Variants in NUP98 observed in about 807,000 individuals in gnomAD.
NUP98 encodes the protein nucleoporin 98 and 96 precursor, also known as nuclear pore complex protein Nup98-Nup96.
A neutral mutation model predicts 191.9 loss-of-function variants in NUP98; 26 were observed. The observed-to-expected ratio is 0.14, with a 90% CI of 0.10 to 0.19. The LOEUF (loss-of-function observed/expected upper bound fraction) is 0.19. NUP98 is among the 10% of genes least tolerant of loss of function. The probability of loss-of-function intolerance (pLI) is 1.00; values close to 1 mark genes in which losing one functional copy is unlikely to be tolerated. For missense variants in NUP98, 1,941 were observed against 2,178.8 expected (o/e 0.89, Z 2.17); for synonymous variants, 808 against 778.4 (o/e 1.04, Z -0.63).
chr11:3,677,221 G>A (rs980935872), intron 31 of NUP98, among the ~76,000 whole-genome samples: 61 of 152,266 alleles, frequency 4.0e-4, no homozygotes, highest in African/African-American at 1.1e-3. Flanking sequence ...AGGACCAAGA[G>A]AGGCTTCTTT....
At chr11:3,679,788 G>C in intron 30 of NUP98, 80 bp from the exon 31 acceptor site, 2 of 1,371,596 alleles carry the variant, frequency 1.5e-6, no homozygotes, top group South Asian at 2.7e-5. Flanking sequence ...CAGGAAGACA[G>C]AAAGGAAGGA....
At chr11:3,718,937 T>A (rs1022730316) in intron 18 of NUP98, among the ~76,000 whole-genome samples, 5 of 151,842 alleles carry the variant, frequency 3.3e-5, no homozygotes, top group Non-Finnish European at 5.9e-5. Flanking sequence ...CTGGCCAACA[T>A]GGTGAAACTC....
In NUP98 at chr11:3,702,546, C is replaced by A. The variant is rs996820761; in HGVS notation, c.3429G>T (p.Leu1143=). 1.9e-6 allele frequency: 3 copies of A among 1,614,192 alleles called. No individual in the cohort carries two copies. The highest frequency in any genetic ancestry group is 2.5e-6 in the Non-Finnish European group (3 of 1,180,036). ...NWTLANSGEQ[L]NGSHELENHQ... is the part of the protein sequence containing the mutation. Reference sequence around the variant, plus strand: ...GATTTTCTAGTTCATGAGAGCCATTCAGCTGTTCTCCACTATTAGCAAGAG... The same window carrying A: ...GATTTTCTAGTTCATGAGAGCCATTAAGCTGTTCTCCACTATTAGCAAGAG... The change falls in exon 23 of 33, where the codon CTG becomes CTT. Residue 1143 remains leucine, a synonymous_variant. Transcript: ENST00000324932.
chr11:3,771,631 A>G (rs1157440148), intron 7 of NUP98, 117 bp downstream of exon 7: 6 of 835,524 alleles, frequency 7.2e-6, no homozygotes, highest in Non-Finnish European at 1.1e-5. Flanking sequence ...CCCTATTCCT[A>G]TGGTATCCCT....
intron 18 of NUP98, among the ~76,000 whole-genome samples, chr11:3,719,197 A>G (rs905308609): frequency 1.3e-5 from 2 of 152,218 alleles, no homozygotes; most frequent in African/African-American, 4.8e-5. Context: ...GGAATGTAAA[A>G]AAATGAATTA....
At chr11:3,772,744 G>A (rs1490147036) in intron 6 of NUP98, among the ~76,000 whole-genome samples, 1 of 151,382 alleles carries the variant, frequency 6.6e-6, no homozygotes, top group Non-Finnish European at 1.5e-5. Context: ...AATCCAGGAG[G>A]CAGAGATTGT....
chr11:3,775,981 G>T lies in NUP98; in HGVS notation c.396C>A (p.Thr132=). The change falls in exon 5 of 33, where the codon ACC becomes ACA. Residue 132 remains threonine, a synonymous_variant. Transcript: ENST00000324932. ...TSTSSGGLFG[T]TNTTSNPFGS... is the part of the protein sequence containing the mutation. ...CAAAAGGATTAGAGGTGGTATTTGT[G>T]GTTCCAAAGAGTCCTCCACTGCTAG... The T allele has an allele frequency of 1.2e-6, 2 of 1,613,496 alleles. No individual in the cohort carries two copies. The highest frequency in any genetic ancestry group is 1.7e-6 in the Non-Finnish European group (2 of 1,179,536).
rs1482833824 is a variant in NUP98, at chr11:3,700,576, G to A, written c.3742+34C>T. 3 of 1,439,394 alleles carry A rather than the reference G, an allele frequency of 2.1e-6. No individual in the cohort carries two copies. In the Admixed American group the frequency reaches 5.2e-5, roughly 25 times the overall value. 89.2% of individuals were successfully genotyped at this position (1,439,394 alleles called of 1,614,324 possible). On this transcript the variant is annotated intron_variant, in intron 24 of 32. Coordinates refer to ENST00000324932, the MANE Select transcript of NUP98 (RefSeq NM_016320.5). ...CATACGCTACCACCACTATTATTGG[G>A]ACATCAAACATTAGAAACATAGTGT...
chr11:3,712,264 T>C (rs924681491), intron 20 of NUP98: 28 of 1,154,050 alleles, frequency 2.4e-5, no homozygotes, highest in Middle Eastern at 3.5e-4. Flanking sequence ...TGAGCAAATC[T>C]TAAGTTAATC....
At chr11:3,710,455 G>A (rs1232783316) in intron 20 of NUP98, among the ~76,000 whole-genome samples, 1 of 152,012 alleles carries the variant, frequency 6.6e-6, no homozygotes, top group African/African-American at 2.4e-5. Context: ...GGGGACTGAC[G>A]ATATTATATA....
intron 12 of NUP98, among the ~76,000 whole-genome samples, chr11:3,741,480 G>C (rs1270571716): frequency 3.3e-5 from 5 of 151,982 alleles, no homozygotes; most frequent in Non-Finnish European, 5.9e-5. Context: ...AAATTAGCTG[G>C]GCGTGTGGCA....
intron 12 of NUP98, among the ~76,000 whole-genome samples, chr11:3,741,087 G>A (rs1435928742): frequency 6.6e-6 from 1 of 151,502 alleles, no homozygotes; most frequent in Non-Finnish European, 1.5e-5. Flanking sequence ...CTCCCAAAGT[G>A]CTGGGATTAC....
chr11:3,744,597 T>A lies in NUP98; in HGVS notation c.1320A>T (p.Gly440=). The change falls in exon 12 of 33, where the codon GGA becomes GGT. Residue 440 remains glycine (G), a synonymous_variant. Coordinates refer to ENST00000324932, the MANE Select transcript of NUP98 (RefSeq NM_016320.5). The part of the protein sequence containing the change: ...SLFGNNQPKI[G]GPLGTGAFGA... ...CAAAGGCTCCTGTACCAAGAGGCCC[T>A]CCAATCTTAGGTTGGTTGTTCCCAA... 6.2e-7 allele frequency: 1 copy of A among 1,613,480 alleles called. No homozygotes were observed. The highest frequency in any genetic ancestry group is 8.5e-7 in the Non-Finnish European group (1 of 1,179,566).
chr11:3,786,887 C>G (rs2082159345), intron 1 of NUP98, among the ~76,000 whole-genome samples: 1 of 152,218 alleles, frequency 6.6e-6, no homozygotes, highest in South Asian at 2.1e-4. Context: ...CTGCTAACTC[C>G]AGACGTAAAT....
intron 22 of NUP98, among the ~76,000 whole-genome samples, 174 bp from the exon 23 acceptor site, chr11:3,703,066 T>C (rs569147430): frequency 6.6e-6 from 1 of 152,262 alleles, no homozygotes; most frequent in East Asian, 1.9e-4. Flanking sequence ...AAATTACTCT[T>C]TGAACTAGGA....
At chr11:3,767,384 A>G in intron 8 of NUP98, among the ~76,000 whole-genome samples, 1 of 151,436 alleles carries the variant, frequency 6.6e-6, no homozygotes, top group African/African-American at 2.4e-5. Flanking sequence ...TTGGAGTGCC[A>G]TGGAGCAATC....
At chr11:3,699,671 A>T (rs909638584) in intron 24 of NUP98, among the ~76,000 whole-genome samples, 2 of 152,242 alleles carry the variant, frequency 1.3e-5, no homozygotes, top group Admixed American at 6.5e-5. Context: ...TTCTGTCTAT[A>T]AAAATCAATC....
At chr11:3,712,208 C>T (rs2079040347) in intron 20 of NUP98, 2 of 1,084,660 alleles carry the variant, frequency 1.8e-6, no homozygotes, top group Non-Finnish European at 2.2e-6. Flanking sequence ...TTAAACTGCA[C>T]ATCAGGTAGT....
rs777345848 is a variant in NUP98, at chr11:3,735,262, G to C, written c.1471C>G (p.Leu491Val). ...QAVLQQHINS[L>V]TYSPFGDSPL... ...GAGTCTCCAAAAGGTGAGTATGTTA[G>C]ACTATTGATGTGCTGCTGGAGAACA... The change falls in exon 13 of 33, where the codon CTA (leucine) becomes GTA (valine). Residue 491 changes from leucine to valine, a missense_variant. Leu to Val is a conservative substitution (Grantham distance 32). This residue lies in a region of NUP98 where 453 missense variants were observed against 438.2 expected (regional missense o/e 1.03). Coordinates refer to ENST00000324932, the MANE Select transcript of NUP98 (RefSeq NM_016320.5). 6.3e-7 allele frequency: 1 copy of C among 1,596,486 alleles called. No individual in the cohort carries two copies. The highest frequency in any genetic ancestry group is 8.5e-7 in the Non-Finnish European group (1 of 1,169,694).
Sources: allele counts gnomAD v4.1 joint callset (sites outside exome capture counted in the v4.1 genomes callset), GRCh38; gene constraint gnomAD v4.1.1; regional missense constraint gnomAD v4.1.1; transcripts MANE v1.5; gene names NCBI Gene and HGNC (gene_info 2026-07-23, HGNC 2026-07-21).